LUZP2: variants seen among roughly 807,000 people sequenced by gnomAD.
LUZP2 encodes leucine zipper protein 2.
A neutral mutation model predicts 51.6 loss-of-function variants in LUZP2; 52 were observed. The observed-to-expected ratio is 1.01, with a 90% CI of 0.81 to 1.27. The LOEUF (loss-of-function observed/expected upper bound fraction) is 1.27. Among genes scored for constraint, LUZP2 ranks in the 50% most tolerant of loss-of-function variants. LUZP2 has a pLI of 0.00. For synonymous variants in LUZP2, 154 were observed against 137.3 expected, an observed-to-expected ratio of 1.12 and a Z score of -0.85; for missense variants, 436 against 395.4, an observed-to-expected ratio of 1.10 and a Z score of -0.87.
chr11:24,763,213 A>T (rs202053334), intron 4 of LUZP2, 33 bp from the exon 5 acceptor site: 1 of 976,766 alleles, frequency 1.0e-6, no homozygotes, highest in Non-Finnish European at 1.5e-6. Flanking sequence ...ATGAGTTTGG[A>T]ATGTGTCTAC....
intron 5 of LUZP2, among the ~76,000 whole-genome samples, chr11:24,811,613 G>T (rs1850026269): frequency 6.6e-6 from 1 of 151,882 alleles, no homozygotes; most frequent in African/African-American, 2.4e-5. Context: ...AATAAACATA[G>T]TATCTAATAG....
intron 4 of LUZP2, among the ~76,000 whole-genome samples, chr11:24,750,788 A>C (rs1441794198): frequency 6.6e-6 from 1 of 152,200 alleles, no homozygotes; most frequent in Non-Finnish European, 1.5e-5. Context: ...TACAATATAC[A>C]CATACATGTA....
chr11:24,949,342 A>C (rs1590763555), intron 7 of LUZP2, among the ~76,000 whole-genome samples: 1 of 149,892 alleles, frequency 6.7e-6, no homozygotes, highest in South Asian at 2.1e-4. Flanking sequence ...CTCTCTATCT[A>C]TCTATGATCT....
chr11:24,727,997 G>A (rs1437131804), intron 1 of LUZP2, among the ~76,000 whole-genome samples: 1 of 151,854 alleles, frequency 6.6e-6, no homozygotes, highest in Non-Finnish European at 1.5e-5. Context: ...AATTATATAT[G>A]TATATATTTT....
At chr11:24,587,460 C>T (rs1053985855) in intron 1 of LUZP2, among the ~76,000 whole-genome samples, 19 of 152,030 alleles carry the variant, frequency 1.2e-4, no homozygotes, top group East Asian at 1.9e-4. Context: ...AATGTCTGGA[C>T]GGAAAATTTT....
intron 9 of LUZP2, among the ~76,000 whole-genome samples, chr11:24,989,109 A>C (rs1376340220): frequency 6.6e-6 from 1 of 151,856 alleles, no homozygotes; most frequent in African/African-American, 2.4e-5. Context: ...GTTAAAAAAA[A>C]AAAAAAAGAA....
intron 7 of LUZP2, among the ~76,000 whole-genome samples, chr11:24,959,737 C>A (rs970179355): frequency 1.3e-5 from 2 of 152,058 alleles, no homozygotes; most frequent in African/African-American, 4.8e-5. Context: ...ATTGAATACC[C>A]TTTATTTCCT....
chr11:24,740,193 A>G lies in LUZP2; in HGVS notation c.333+1891A>G, dbSNP rs578048710. Among the ~76,000 whole-genome samples, 3 of 152,306 alleles carry G rather than the reference A, an allele frequency of 2.0e-5. No homozygotes were observed. The East Asian group carries it at 5.8e-4, about 29-fold the overall frequency. On this transcript the variant is annotated intron_variant, in intron 4 of 11. Coordinates refer to ENST00000336930, the MANE Select transcript of LUZP2 (RefSeq NM_001009909.4). ...TTCTTTACTGAAAAAGAGTAATTCA[A>G]ATAACGTGTTTCTAGCTTGTATTTG...
At chr11:24,502,676 G>A (rs573769392) in intron 1 of LUZP2, among the ~76,000 whole-genome samples, 1 of 152,202 alleles carries the variant, frequency 6.6e-6, no homozygotes, top group African/African-American at 2.4e-5. Flanking sequence ...ATGAGCCACC[G>A]TGCCCAGCCC....
intron 5 of LUZP2, among the ~76,000 whole-genome samples, chr11:24,779,891 G>T (rs1007164264): frequency 6.6e-6 from 1 of 151,964 alleles, no homozygotes; most frequent in African/African-American, 2.4e-5. Context: ...TGAAGATGCC[G>T]ACTTTGATAA....
intron 10 of LUZP2, among the ~76,000 whole-genome samples, chr11:25,065,669 G>C (rs1357407895): frequency 6.6e-6 from 1 of 151,920 alleles, no homozygotes; most frequent in Non-Finnish European, 1.5e-5. Flanking sequence ...TCCATTTCAG[G>C]TTTTGCCAGG....
Position 25,035,442 on chromosome 11 carries a change from G to A in LUZP2, c.766-14596G>A, listed in dbSNP as rs188347767. 2.2e-3 allele frequency among the ~76,000 whole-genome samples: 327 copies of A among 151,952 alleles called. 2 individuals carry two copies. Among genetic ancestry groups the A allele is most frequent in the African/African-American group, 7.5e-3 (311 of 41,486 alleles). Reference sequence around the variant, plus strand: ...AATACAATCCTACTTACAAAAGCCAGAAAGAAAAATGAAATACCAAGGAAT... The same window carrying A: ...AATACAATCCTACTTACAAAAGCCAAAAAGAAAAATGAAATACCAAGGAAT... On this transcript the variant is annotated intron_variant, in intron 9 of 11. Transcript: ENST00000336930.
intron 5 of LUZP2, among the ~76,000 whole-genome samples, chr11:24,780,598 G>C (rs140601310): frequency 7.2e-5 from 11 of 152,212 alleles, no homozygotes; most frequent in Non-Finnish European, 1.6e-4. Flanking sequence ...AATGATGGTT[G>C]ATGATGATGA....
intron 10 of LUZP2, among the ~76,000 whole-genome samples, chr11:25,062,449 A>G (rs1366150930): frequency 7.6e-6 from 1 of 131,174 alleles, no homozygotes; most frequent in East Asian, 2.7e-4. Context: ...ATATATCTGC[A>G]TGTGGTGGCA....
chr11:24,833,712 G>GCACACACACACACA (rs71044309), intron 5 of LUZP2, among the ~76,000 whole-genome samples: 17 of 147,234 alleles, frequency 1.2e-4, no homozygotes, highest in African/African-American at 3.2e-4. Flanking sequence ...CCGCGCGCGC[G>GCACACACACACACA]CACACACACA....
intron 1 of LUZP2, among the ~76,000 whole-genome samples, chr11:24,514,841 C>T (rs12419817): frequency 0.037 from 5,692 of 152,140 alleles, 143 homozygotes; most frequent in Non-Finnish European, 0.055. Context: ...TCTGTAAAAG[C>T]GGCCTGGCTC....
chr11:24,593,283 T>A (rs1663778037), intron 1 of LUZP2, among the ~76,000 whole-genome samples: 1 of 152,162 alleles, frequency 6.6e-6, no homozygotes. Context: ...GATCACTAAT[T>A]TTTGTCATTG....
intron 4 of LUZP2, 53 bp from the exon 5 acceptor site, chr11:24,763,193 A>C (rs2134032954): frequency 3.8e-6 from 3 of 788,344 alleles, no homozygotes; most frequent in Non-Finnish European, 5.8e-6. Context: ...AAATAATGAA[A>C]GCCATGGTAA....
At chr11:24,719,540 A>G (rs1237445162) in intron 1 of LUZP2, among the ~76,000 whole-genome samples, 1 of 152,220 alleles carries the variant, frequency 6.6e-6, no homozygotes, top group African/African-American at 2.4e-5. Flanking sequence ...CAACTGGCCA[A>G]TCTCTGAGAA....
Sources: allele counts gnomAD v4.1 joint callset (sites outside exome capture counted in the v4.1 genomes callset), GRCh38; gene constraint gnomAD v4.1.1; transcripts MANE v1.5; gene names NCBI Gene and HGNC (gene_info 2026-07-23, HGNC 2026-07-21).